Variants in CTNND2 observed in about 807,000 individuals in gnomAD.
The protein encoded by CTNND2 is catenin delta 2.
Under a neutral mutation model 144.4 loss-of-function variants are expected in CTNND2, and 22 were observed. The ratio of observed to expected loss-of-function variants is 0.15; its 90% confidence interval spans 0.11 to 0.22. The LOEUF (loss-of-function observed/expected upper bound fraction) is 0.22. Among genes scored for constraint, CTNND2 ranks in the 10% least tolerant of loss-of-function variants. The pLI, the probability that CTNND2 is intolerant of heterozygous loss-of-function variation, is 1.00. For missense variants in CTNND2, 1,353 were observed against 1,618.8 expected, an observed-to-expected ratio of 0.84 and a Z score of 2.82; for synonymous variants, 751 against 695.6, an observed-to-expected ratio of 1.08 and a Z score of -1.25.
At chr5:11,856,495 C>G (rs1795256512) in intron 1 of CTNND2, among the ~76,000 whole-genome samples, 1 of 152,078 alleles carries the variant, frequency 6.6e-6, no homozygotes, top group Non-Finnish European at 1.5e-5. Context: ...TAGTATCAAT[C>G]TGAGTGTCGA....
At chr5:11,689,429 T>C (rs1477758492) in intron 2 of CTNND2, among the ~76,000 whole-genome samples, 1 of 152,194 alleles carries the variant, frequency 6.6e-6, no homozygotes, top group Admixed American at 6.5e-5. Flanking sequence ...AAATAATACT[T>C]TACTTTATAA....
intron 7 of CTNND2, among the ~76,000 whole-genome samples, chr5:11,383,335 T>C (rs1391690524): frequency 6.6e-6 from 1 of 152,124 alleles, no homozygotes; most frequent in Non-Finnish European, 1.5e-5. Flanking sequence ...TGGTAACTTA[T>C]TTTACAAAAG....
chr5:11,162,542 A>G (rs576222032), intron 11 of CTNND2, among the ~76,000 whole-genome samples: 11 of 152,302 alleles, frequency 7.2e-5, no homozygotes, highest in African/African-American at 2.2e-4. Context: ...AACTGATCAC[A>G]GTACTTGATC....
intron 2 of CTNND2, among the ~76,000 whole-genome samples, chr5:11,650,150 C>T (rs931180223): frequency 6.6e-6 from 1 of 152,084 alleles, no homozygotes; most frequent in Non-Finnish European, 1.5e-5. Flanking sequence ...GGTGATTTCC[C>T]CCTTGCAGTT....
chr5:11,259,468 C>T (rs1183587387), intron 9 of CTNND2, among the ~76,000 whole-genome samples: 1 of 152,172 alleles, frequency 6.6e-6, no homozygotes, highest in African/African-American at 2.4e-5. Context: ...CCCTGTGGGA[C>T]CATTACATGA....
chr5:11,382,640 TGTGTGTAG>T (rs1372321719), intron 7 of CTNND2, among the ~76,000 whole-genome samples: 12 of 147,678 alleles, frequency 8.1e-5, no homozygotes, highest in African/African-American at 2.5e-4. Context: ...TGTGTGTGTG[TGTGTGTAG>T]AATGATGAAT....
At chr5:11,145,989 G>A (rs796586201) in intron 12 of CTNND2, among the ~76,000 whole-genome samples, 21 of 152,200 alleles carry the variant, frequency 1.4e-4, no homozygotes, top group African/African-American at 3.9e-4. Context: ...TTCTTCCCCC[G>A]GACAGACTCT....
intron 2 of CTNND2, among the ~76,000 whole-genome samples, chr5:11,574,856 C>G (rs1479216188): frequency 2.0e-5 from 3 of 152,190 alleles, no homozygotes; most frequent in African/African-American, 7.2e-5. Flanking sequence ...AGAATCCTAG[C>G]CTCAGCCAAA....
Position 10,973,511 on chromosome 5 carries a change from T to C in CTNND2, c.3620A>G (p.Tyr1207Cys), listed in dbSNP as rs755593916. 3 of 1,612,702 alleles carry C rather than the reference T, an allele frequency of 1.9e-6. No homozygotes were observed. The highest frequency in any genetic ancestry group is 1.7e-6 in the Non-Finnish European group (2 of 1,179,288). Residue 1207 changes from tyrosine (Y) to cysteine (C), a missense_variant, in exon 22 of 22, where the codon TAC becomes TGC. Tyr to Cys is a radical substitution (Grantham distance 194). Coordinates refer to ENST00000304623, the MANE Select transcript of CTNND2 (RefSeq NM_001332.4). This position sits in a 1 kb window ranked among gnomAD's most constrained non-coding sequence, Gnocchi z 5.6. ...YVDFYSAARP[Y>C]SELNYETSHY... ...GCTCGTTTCATAGTTCAGTTCACTG[T>C]AGGGACGGGCAGCTGAGTAGAAGTC...
chr5:11,583,823 A>G (rs1778624524), intron 2 of CTNND2, among the ~76,000 whole-genome samples: 1 of 152,222 alleles, frequency 6.6e-6, no homozygotes, highest in African/African-American at 2.4e-5. Flanking sequence ...ATATCTATGC[A>G]TTCTATTTGC....
At chr5:11,697,080 G>C (rs1785175171) in intron 2 of CTNND2, among the ~76,000 whole-genome samples, 1 of 152,200 alleles carries the variant, frequency 6.6e-6, no homozygotes, top group African/African-American at 2.4e-5. Context: ...TTTGAAGACT[G>C]TTTAAGGAAC....
At chr5:11,553,651 T>G (rs1447347210) in intron 3 of CTNND2, among the ~76,000 whole-genome samples, 1 of 152,134 alleles carries the variant, frequency 6.6e-6, no homozygotes, top group Non-Finnish European at 1.5e-5. Flanking sequence ...TAGCTATCAT[T>G]TATGGAATTA....
intron 9 of CTNND2, among the ~76,000 whole-genome samples, chr5:11,278,690 A>T (rs1057486773): frequency 2.0e-5 from 3 of 152,228 alleles, no homozygotes; most frequent in Non-Finnish European, 4.4e-5. Context: ...CATCATTGCA[A>T]TACAGATGAT....
chr5:11,734,523 A>C (rs1332378532), intron 1 of CTNND2, among the ~76,000 whole-genome samples: 1 of 152,230 alleles, frequency 6.6e-6, no homozygotes, highest in African/African-American at 2.4e-5. Context: ...CAGAGAAAGC[A>C]ATAGTTAACT....
intron 9 of CTNND2, among the ~76,000 whole-genome samples, chr5:11,304,159 T>C (rs147077409): frequency 0.015 from 2,287 of 152,304 alleles, 19 homozygotes; most frequent in Non-Finnish European, 0.024. Context: ...GGGTATGTCT[T>C]TATCAGCAGC....
intron 13 of CTNND2, among the ~76,000 whole-genome samples, chr5:11,111,322 G>C (rs531622752): frequency 6.6e-6 from 1 of 152,314 alleles, no homozygotes; most frequent in Non-Finnish European, 1.5e-5. Flanking sequence ...TGTGAGAAGG[G>C]AAGAATGTAC....
chr5:11,681,222 G>GA lies in CTNND2; in HGVS notation c.174+50913dup, dbSNP rs545160089. The stretch of plus-strand genomic sequence containing the variant: ...AAGGAGAATAACATTTTGTACCCAA[G>GA]AAAAATGTATTTCAAGAAGGATGGA... On this transcript the variant is annotated intron_variant, in intron 2 of 21. Transcript: ENST00000304623. 2.6e-3 allele frequency among the ~76,000 whole-genome samples: 400 copies of GA among 152,286 alleles called. 1 individual carries two copies. The highest frequency in any genetic ancestry group is 3.9e-3 in the Non-Finnish European group (263 of 68,006).
intron 9 of CTNND2, among the ~76,000 whole-genome samples, chr5:11,264,278 A>G (rs1745219094): frequency 6.6e-6 from 1 of 152,214 alleles, no homozygotes; most frequent in Non-Finnish European, 1.5e-5. Flanking sequence ...TTATTTGGAA[A>G]CAGGGTCTTT....
At chr5:11,137,987 A>G (rs961322569) in intron 12 of CTNND2, among the ~76,000 whole-genome samples, 2 of 152,260 alleles carry the variant, frequency 1.3e-5, no homozygotes, top group South Asian at 2.1e-4. Flanking sequence ...TCAAGGTATC[A>G]GCAGGGCTGC....
Sources: allele counts gnomAD v4.1 joint callset (sites outside exome capture counted in the v4.1 genomes callset), GRCh38; gene constraint gnomAD v4.1.1; non-coding constraint Gnocchi (gnomAD v3.1); transcripts MANE v1.5; gene names NCBI Gene and HGNC (gene_info 2026-07-23, HGNC 2026-07-21).